RIMKLA: variants seen among roughly 807,000 people sequenced by gnomAD.
RIMKLA encodes the protein ribosomal modification protein rimK like family member A.
In RIMKLA, 14 loss-of-function variants were observed where a neutral mutation model predicts 32.7. The observed-to-expected ratio is 0.43, with a 90% CI of 0.28 to 0.67. The LOEUF is 0.67. RIMKLA is among the 30% of genes least tolerant of loss of function. The pLI is 0.18. For missense variants in RIMKLA, 410 were observed against 519.0 expected (o/e 0.79, Z 2.04); for synonymous variants, 176 against 204.1 (o/e 0.86, Z 1.18).
chr1:42,387,888 A>G, intron 1 of RIMKLA, among the ~76,000 whole-genome samples: 1 of 152,126 alleles, frequency 6.6e-6, no homozygotes, highest in Non-Finnish European at 1.5e-5. Flanking sequence ...AAAGAAGAAA[A>G]CAGAATGTTT....
At chr1:42,394,021 G>A (rs914001181) in intron 1 of RIMKLA, among the ~76,000 whole-genome samples, 1 of 152,224 alleles carries the variant, frequency 6.6e-6, no homozygotes, top group Non-Finnish European at 1.5e-5. Context: ...CTGACCTCAG[G>A]TGATCTGCCT....
Position 42,404,714 on chromosome 1 carries a change from T to G in RIMKLA, c.481+117T>G. On this transcript the variant is annotated intron_variant, in intron 3 of 4. Coordinates refer to ENST00000431473, the MANE Select transcript of RIMKLA (RefSeq NM_173642.4). ...AAAATGGAGCTCCCCTTTGAGGAGCTTGCAGTGTTTCTTTCTCTTTGTCCT... is the reference window on the plus strand; with the variant it reads ...AAAATGGAGCTCCCCTTTGAGGAGCGTGCAGTGTTTCTTTCTCTTTGTCCT... 3 of 652,892 alleles carry G rather than the reference T, an allele frequency of 4.6e-6. No homozygotes were observed. In the South Asian group the frequency reaches 5.2e-5, roughly 11 times the overall value. 40.4% of individuals were successfully genotyped at this position (652,892 alleles called of 1,614,324 possible).
At chr1:42,388,019 G>A (rs10443267) in intron 1 of RIMKLA, among the ~76,000 whole-genome samples, 4,886 of 152,230 alleles carry the variant, frequency 0.032, 119 homozygotes, top group Non-Finnish European at 0.048. Context: ...TAGATATCTG[G>A]AGGTAGAGTA....
At chr1:42,393,902 A>G (rs1023281596) in intron 1 of RIMKLA, among the ~76,000 whole-genome samples, 1 of 152,176 alleles carries the variant, frequency 6.6e-6, no homozygotes, top group Admixed American at 6.5e-5. Flanking sequence ...CTCCTGCCTC[A>G]GCCTCCTGAG....
intron 3 of RIMKLA, 118 bp from the exon 4 acceptor site, chr1:42,409,866 G>A (rs1643181816): frequency 6.5e-6 from 5 of 770,570 alleles, no homozygotes; most frequent in Non-Finnish European, 8.9e-6. Context: ...AAATAGAAGG[G>A]ACCAAAGTGA....
intron 1 of RIMKLA, among the ~76,000 whole-genome samples, chr1:42,394,783 C>G (rs1031524751): frequency 6.6e-6 from 1 of 151,708 alleles, no homozygotes; most frequent in African/African-American, 2.4e-5. Context: ...GTTGCCCAGG[C>G]TGGAGTGCAA....
chr1:42,419,399 T>C lies in RIMKLA; in HGVS notation c.*4425T>C, dbSNP rs1333969648. On this transcript the variant is annotated 3_prime_UTR_variant, in exon 5 of 5. Coordinates refer to ENST00000431473, the MANE Select transcript of RIMKLA (RefSeq NM_173642.4). ...CTAAGAAAGTCGCTTATGATCCCCA[T>C]TTGAGACCATGGAATTAGCATTTTG... 1 of 152,224 alleles carries C rather than the reference T, an allele frequency of 6.6e-6. No individual in the cohort carries two copies. Among genetic ancestry groups the C allele is most frequent in the Non-Finnish European group, 1.5e-5 (1 of 68,048 alleles). 9.4% of individuals were successfully genotyped at this position (152,224 alleles called of 1,614,324 possible).
At position 42,418,727 on chromosome 1, in the gene RIMKLA, G is replaced by C. The variant is rs908659385; in HGVS notation, c.*3753G>C. ...TTAAATCCTGAGGAATGCTGGTCTT[G>C]AGAACACTGAATGCAAATCTGAGGA... is the stretch of plus-strand genomic sequence containing the variant. On this transcript the variant is annotated 3_prime_UTR_variant, in exon 5 of 5. Coordinates refer to ENST00000431473, the MANE Select transcript of RIMKLA (RefSeq NM_173642.4). The C allele has an allele frequency of 3.3e-5, 5 of 152,224 alleles. No individual in the cohort carries two copies. Among genetic ancestry groups the C allele is most frequent in the African/African-American group, 1.2e-4 (5 of 41,456 alleles). 9.4% of individuals were successfully genotyped at this position (152,224 alleles called of 1,614,324 possible).
chr1:42,423,896 A>G lies in RIMKLA; in HGVS notation c.*8922A>G, dbSNP rs984089215. On this transcript the variant is annotated 3_prime_UTR_variant, in exon 5 of 5. Coordinates refer to ENST00000431473, the MANE Select transcript of RIMKLA (RefSeq NM_173642.4). The stretch of plus-strand genomic sequence containing the variant: ...GTCTACTGTACTCTTGGTGAATCAC[A>G]GCTCTTTAGAGCTCCTCAAGGGCCT... Among the ~76,000 whole-genome samples, 1 of 152,196 alleles carries G rather than the reference A, an allele frequency of 6.6e-6. No homozygotes were observed. Among genetic ancestry groups the G allele is most frequent in the Non-Finnish European group, 1.5e-5 (1 of 68,032 alleles).
At position 42,421,159 on chromosome 1, in the gene RIMKLA, C is replaced by G. The variant is rs1055442161; in HGVS notation, c.*6185C>G. On this transcript the variant is annotated 3_prime_UTR_variant, in exon 5 of 5. Coordinates refer to ENST00000431473, the MANE Select transcript of RIMKLA (RefSeq NM_173642.4). The surrounding 1 kb of genome is among the most constrained non-coding windows in gnomAD (Gnocchi z 4.6). ...GATTTTATGACGCTATGTGCAAGAT[C>G]TAGCGAACGTATTTGGCTAAGAAAA... 3 of 152,258 alleles carry G rather than the reference C, an allele frequency of 2.0e-5. No individual in the cohort carries two copies. Among genetic ancestry groups the G allele is most frequent in the Admixed American group, 6.5e-5 (1 of 15,288 alleles). 9.4% of individuals were successfully genotyped at this position (152,258 alleles called of 1,614,324 possible). A position where few individuals can be genotyped will look rare whatever the true frequency, so the allele number is the denominator to read the frequency against.
rs571196682 is a variant in RIMKLA at position 42,381,110 on chromosome 1, G to A, written c.163+13G>A. ...GGCGGCCACCTCGGTGAGCGAGGCGGGCCCGGGGAGGGCAGGGAGGCGCGC... is the reference window on the plus strand; with the variant it reads ...GGCGGCCACCTCGGTGAGCGAGGCGAGCCCGGGGAGGGCAGGGAGGCGCGC... On this transcript the variant is annotated intron_variant, in intron 1 of 4. Coordinates refer to ENST00000431473, the MANE Select transcript of RIMKLA (RefSeq NM_173642.4). The A allele has an allele frequency of 8.0e-7, 1 of 1,245,584 alleles. No individual in the cohort carries two copies. Among genetic ancestry groups the A allele is most frequent in the South Asian group, 3.4e-5 (1 of 29,756 alleles). 77.2% of individuals were successfully genotyped at this position (1,245,584 alleles called of 1,614,324 possible).
intron 4 of RIMKLA, among the ~76,000 whole-genome samples, chr1:42,410,517 G>A (rs1476230336): frequency 2.0e-5 from 3 of 152,198 alleles, no homozygotes; most frequent in Non-Finnish European, 4.4e-5. Context: ...CATAAGATGG[G>A]AGGCAGGGAG....
chr1:42,391,274 A>G (rs1373210832), intron 1 of RIMKLA, among the ~76,000 whole-genome samples: 1 of 152,148 alleles, frequency 6.6e-6, no homozygotes, highest in Non-Finnish European at 1.5e-5. Context: ...CTGATAGTGT[A>G]AGAGTAAGGA....
At chr1:42,390,036 CTTT>C (rs35754511) in intron 1 of RIMKLA, among the ~76,000 whole-genome samples, 2,316 of 111,660 alleles carry the variant, frequency 0.021, 58 homozygotes, top group African/African-American at 0.072. Flanking sequence ...TTTTCTTTTC[CTTT>C]TTTTTTTTTT....
At chr1:42,407,007 A>G (rs561671341) in intron 3 of RIMKLA, among the ~76,000 whole-genome samples, 1 of 151,962 alleles carries the variant, frequency 6.6e-6, no homozygotes, top group Admixed American at 6.6e-5. Flanking sequence ...CTGGGCTGAA[A>G]CGATCCTCCT....
intron 3 of RIMKLA, among the ~76,000 whole-genome samples, chr1:42,407,189 A>G (rs926485821): frequency 5.9e-5 from 9 of 152,226 alleles, no homozygotes; most frequent in Non-Finnish European, 7.3e-5. Context: ...TACAGGCGTG[A>G]GCCACTGCAC....
chr1:42,415,876 C>T lies in RIMKLA; in HGVS notation c.*902C>T, dbSNP rs1643242092. The T allele has an allele frequency of 6.6e-6, 1 of 152,158 alleles. No individual in the cohort carries two copies. Among genetic ancestry groups the T allele is most frequent in the Non-Finnish European group, 1.5e-5 (1 of 68,034 alleles). The allele number at this position is 152,158 out of a possible 1,614,324, so 9.4% of individuals were successfully genotyped here. Reference sequence around the variant, plus strand: ...AGCTACTTGGAGATCATCATTCTTCCCCTCCTCTACTGAAACTTTGTGTAC... The same window carrying T: ...AGCTACTTGGAGATCATCATTCTTCTCCTCCTCTACTGAAACTTTGTGTAC... On this transcript the variant is annotated 3_prime_UTR_variant, in exon 5 of 5. Coordinates refer to ENST00000431473, the MANE Select transcript of RIMKLA (RefSeq NM_173642.4).
chr1:42,383,578 C>T (rs142730911), intron 1 of RIMKLA, among the ~76,000 whole-genome samples: 6 of 151,038 alleles, frequency 4.0e-5, no homozygotes, highest in African/African-American at 9.7e-5. Context: ...AAGTATTTCT[C>T]GAAAAAAAAA....
intron 1 of RIMKLA, among the ~76,000 whole-genome samples, chr1:42,397,039 T>C (rs1440807193): frequency 2.0e-5 from 3 of 152,242 alleles, no homozygotes; most frequent in African/African-American, 7.2e-5. Flanking sequence ...GATACTGTTT[T>C]CTGATGGCAA....
Sources: allele counts gnomAD v4.1 joint callset (sites outside exome capture counted in the v4.1 genomes callset), GRCh38; gene constraint gnomAD v4.1.1; non-coding constraint Gnocchi (gnomAD v3.1); transcripts MANE v1.5; gene names NCBI Gene and HGNC (gene_info 2026-07-23, HGNC 2026-07-21).